The following NELL1 variants were observed in gnomAD, a reference collection of about 807,000 sequenced individuals.
NELL1 encodes protein kinase C-binding protein NELL1.
Under a neutral mutation model 107.4 loss-of-function variants are expected in NELL1, and 76 were observed. The observed-to-expected ratio is 0.71, with a 90% confidence interval of 0.59 to 0.86. NELL1 has a LOEUF of 0.86. Ranked by LOEUF, NELL1 falls within the 40% of genes least tolerant of loss-of-function variation. NELL1 has a pLI of 0.00. For missense variants in NELL1, 1,024 were observed against 1,005.5 expected, an observed-to-expected ratio of 1.02 and a Z score of -0.25; for synonymous variants, 353 against 341.2, an observed-to-expected ratio of 1.03 and a Z score of -0.38.
chr11:20,771,184 AACTTT>A (rs1436745644), intron 2 of NELL1, among the ~76,000 whole-genome samples: 1 of 152,094 alleles, frequency 6.6e-6, no homozygotes, highest in East Asian at 1.9e-4. Context: ...CAATAAAGCC[AACTTT>A]ACTTCTCACT....
At chr11:20,942,775 T>C (rs997954637) in intron 10 of NELL1, among the ~76,000 whole-genome samples, 1 of 152,230 alleles carries the variant, frequency 6.6e-6, no homozygotes, top group African/African-American at 2.4e-5. Context: ...AAAGCTGGGA[T>C]GATTAAAGGC....
chr11:20,927,515 G>C (rs972570864), intron 8 of NELL1, 73 bp downstream of exon 8: 3 of 1,402,192 alleles, frequency 2.1e-6, no homozygotes, highest in Non-Finnish European at 2.9e-6. Flanking sequence ...AGTGTAACCT[G>C]GTTCTTTAAT....
At chr11:20,926,535 A>G (rs1248021292) in intron 7 of NELL1, among the ~76,000 whole-genome samples, 1 of 152,218 alleles carries the variant, frequency 6.6e-6, no homozygotes, top group Non-Finnish European at 1.5e-5. Context: ...TTGGAAGATA[A>G]TACATGTTCC....
intron 12 of NELL1, among the ~76,000 whole-genome samples, chr11:21,097,478 A>C (rs1296589682): frequency 6.6e-6 from 1 of 152,152 alleles, no homozygotes; most frequent in Non-Finnish European, 1.5e-5. Flanking sequence ...GATGGACTGC[A>C]CAATCTGAAC....
chr11:20,711,331 T>C (rs1752899752), intron 2 of NELL1, among the ~76,000 whole-genome samples: 1 of 152,186 alleles, frequency 6.6e-6, no homozygotes, highest in Admixed American at 6.5e-5. Context: ...TTTTTATTCA[T>C]TCTGTCATTC....
chr11:20,825,549 T>G (rs1374104157), intron 3 of NELL1, among the ~76,000 whole-genome samples: 1 of 151,342 alleles, frequency 6.6e-6, no homozygotes, highest in African/African-American at 2.4e-5. Flanking sequence ...AAGATTTGAT[T>G]ATTGCCTCAT....
chr11:21,221,277 G>T (rs1013586687), intron 13 of NELL1, among the ~76,000 whole-genome samples: 2 of 152,246 alleles, frequency 1.3e-5, no homozygotes, highest in East Asian at 1.9e-4. Context: ...GTTGTATTCA[G>T]TTTGCTAGTA....
chr11:20,723,361 G>A (rs1019344771), intron 2 of NELL1, among the ~76,000 whole-genome samples: 1 of 152,182 alleles, frequency 6.6e-6, no homozygotes, highest in African/African-American at 2.4e-5. Context: ...AGGGGTGCAG[G>A]CATTGGGTAA....
intron 15 of NELL1, among the ~76,000 whole-genome samples, chr11:21,382,298 G>A (rs1390727781): frequency 6.6e-6 from 1 of 151,908 alleles, no homozygotes; most frequent in Non-Finnish European, 1.5e-5. Context: ...TTTTACAAGT[G>A]TTGCAAACAT....
At chr11:20,786,350 C>CAAAAA (rs112874692) in intron 3 of NELL1, among the ~76,000 whole-genome samples, 1 of 125,398 alleles carries the variant, frequency 8.0e-6, no homozygotes, top group Non-Finnish European at 1.7e-5. Flanking sequence ...AACCCCATCT[C>CAAAAA]AAAAAAAAAA....
At chr11:20,742,648 G>A (rs1855916294) in intron 2 of NELL1, among the ~76,000 whole-genome samples, 1 of 152,148 alleles carries the variant, frequency 6.6e-6, no homozygotes, top group African/African-American at 2.4e-5. Flanking sequence ...ACTCCTCTTT[G>A]TAAAACCATC....
At chr11:21,558,194 A>AAG (rs759249975) in intron 16 of NELL1, among the ~76,000 whole-genome samples, 1 of 151,950 alleles carries the variant, frequency 6.6e-6, no homozygotes. Context: ...AAAGTAGGGA[A>AAG]AGAGAGAGAG....
At position 21,514,010 on chromosome 11, in the gene NELL1, G is replaced by T. The variant is rs188960966; in HGVS notation, c.1646-20364G>T. On this transcript the variant is annotated intron_variant, in intron 15 of 19. Transcript: ENST00000357134. The stretch of plus-strand genomic sequence containing the variant: ...AAATATTAGCATTTCCAGCTATATT[G>T]GTATTTATCTTATCAAAAGCAAAAA... Among the ~76,000 whole-genome samples, 58 of 152,126 alleles carry T rather than the reference G, an allele frequency of 3.8e-4. 1 individual carries two copies. The Middle Eastern group carries it at 0.017, about 45-fold the overall frequency.
intron 15 of NELL1, among the ~76,000 whole-genome samples, chr11:21,437,626 T>C (rs917803850): frequency 2.6e-5 from 4 of 152,228 alleles, no homozygotes; most frequent in African/African-American, 9.6e-5. Flanking sequence ...CCCAAAATGC[T>C]GGGATTACAG....
At chr11:21,006,039 G>T (rs1011346922) in intron 12 of NELL1, among the ~76,000 whole-genome samples, 3 of 151,118 alleles carry the variant, frequency 2.0e-5, no homozygotes, top group Admixed American at 2.0e-4. Flanking sequence ...CATAGATTTG[G>T]GGGGGGGAGT....
chr11:20,916,221 C>A (rs1850252886), intron 5 of NELL1, among the ~76,000 whole-genome samples: 1 of 151,832 alleles, frequency 6.6e-6, no homozygotes, highest in African/African-American at 2.4e-5. Flanking sequence ...AAGTCAACAT[C>A]ATTGACCTTC....
chr11:21,336,516 A>C lies in NELL1; in HGVS notation c.1550-34337A>C, dbSNP rs544650605. ...TTCTCAAAATTATCTGCCCCCACAA[A>C]AAAAAGAAGGACCAAACAGTGGATT... On this transcript the variant is annotated intron_variant, in intron 14 of 19. Coordinates refer to ENST00000357134, the MANE Select transcript of NELL1 (RefSeq NM_006157.5). 2.6e-5 allele frequency among the ~76,000 whole-genome samples: 4 copies of C among 152,076 alleles called. No homozygotes were observed. The South Asian group carries it at 8.3e-4, about 32-fold the overall frequency.
chr11:20,685,039 C>T lies in NELL1; in HGVS notation c.184+6979C>T, dbSNP rs75257427. The stretch of plus-strand genomic sequence containing the variant: ...CTGATTTTGGGTAGATCTGTGTTTC[C>T]GTCTTTGTGCTGCTATCTTCTCTTG... On this transcript the variant is annotated intron_variant, in intron 2 of 19. Coordinates refer to ENST00000357134, the MANE Select transcript of NELL1 (RefSeq NM_006157.5). Among the ~76,000 whole-genome samples, 1,211 of 151,850 alleles carry T rather than the reference C, an allele frequency of 8.0e-3. 13 individuals carry two copies. Among genetic ancestry groups the T allele is most frequent in the African/African-American group, 0.028 (1,149 of 41,396 alleles).
At chr11:20,891,200 C>A (rs1414535726) in intron 5 of NELL1, among the ~76,000 whole-genome samples, 3 of 152,072 alleles carry the variant, frequency 2.0e-5, no homozygotes, top group African/African-American at 7.2e-5. Flanking sequence ...AGATTGGGGG[C>A]CAATATTCAA....
Sources: gnomAD v4.1 joint callset for allele counts (sites outside exome capture counted in the v4.1 genomes callset) on GRCh38, gnomAD v4.1.1 for gene constraint, MANE v1.5 for transcripts, NCBI Gene and HGNC (gene_info 2026-07-23, HGNC 2026-07-21) for gene names.